CADPS2: variants seen among roughly 807,000 people sequenced by gnomAD.
CADPS2 encodes calcium-dependent secretion activator 2.
Under a neutral mutation model 172.5 loss-of-function variants are expected in CADPS2, and 93 were observed. That is an observed-to-expected ratio of 0.54 (90% CI 0.46 to 0.64). The LOEUF is 0.64. CADPS2 is among the 30% of genes least tolerant of loss of function. CADPS2 has a pLI of 0.00. For synonymous variants in CADPS2, 546 were observed against 555.2 expected (o/e 0.98, Z 0.23); for missense variants, 1,420 against 1,565.9 (o/e 0.91, Z 1.57).
At chr7:122,648,927 T>C (rs1384110205) in intron 3 of CADPS2, among the ~76,000 whole-genome samples, 1 of 152,106 alleles carries the variant, frequency 6.6e-6, no homozygotes, top group Non-Finnish European at 1.5e-5. Flanking sequence ...AGGGCTAATA[T>C]GTAGTTCCTG....
In CADPS2 at chr7:122,705,909, T is replaced by TA. The variant is rs1197288499; in HGVS notation, c.453+31045dup. Among the ~76,000 whole-genome samples, 12 of 5,744 alleles carry TA rather than the reference T, an allele frequency of 2.1e-3. 4 individuals are homozygous for TA. The highest frequency in any genetic ancestry group is 4.5e-3 in the African/African-American group (10 of 2,220). The allele number at this position is 5,744 out of a possible 152,430, so 3.8% of individuals were successfully genotyped here. ...AATAAATATAATATAATATATAATA[T>TA]ATTATATAATATAATATATAATATA... On this transcript the variant is annotated intron_variant, in intron 2 of 29. Transcript: ENST00000449022.
chr7:122,698,277 A>C, intron 2 of CADPS2: 3 of 1,614,088 alleles, frequency 1.9e-6, no homozygotes, highest in Non-Finnish European at 2.5e-6. Context: ...TCCTTGCTAA[A>C]CAAAGTCTAT....
At chr7:122,365,292 G>C (rs1333717050) in intron 25 of CADPS2, among the ~76,000 whole-genome samples, 1 of 152,160 alleles carries the variant, frequency 6.6e-6, no homozygotes, top group African/African-American at 2.4e-5. Flanking sequence ...CAATACAGCT[G>C]GGAATCTAAG....
intron 1 of CADPS2, among the ~76,000 whole-genome samples, chr7:122,859,825 T>C (rs1025865891): frequency 2.0e-5 from 3 of 152,138 alleles, no homozygotes; most frequent in East Asian, 3.9e-4. Context: ...TTTTGTTTAT[T>C]TGTAATTTTA....
At chr7:122,354,581 G>C (rs1240819511) in intron 27 of CADPS2, among the ~76,000 whole-genome samples, 2 of 151,754 alleles carry the variant, frequency 1.3e-5, no homozygotes, top group Non-Finnish European at 2.9e-5. Context: ...TTTTTTTTTG[G>C]GGGGGAGGGG....
intron 6 of CADPS2, among the ~76,000 whole-genome samples, chr7:122,588,159 GCTGT>G (rs1430792166): frequency 6.6e-6 from 1 of 152,008 alleles, no homozygotes; most frequent in Non-Finnish European, 1.5e-5. Context: ...CACTCTGTAG[GCTGT>G]CTGTTCACTC....
chr7:122,393,027 G>C (rs1365285569), intron 22 of CADPS2, among the ~76,000 whole-genome samples, 169 bp downstream of exon 22: 1 of 151,042 alleles, frequency 6.6e-6, no homozygotes, highest in African/African-American at 2.4e-5. Flanking sequence ...ATTCATCACA[G>C]ATATGCTAAG....
chr7:122,521,538 C>T (rs2060797773), intron 8 of CADPS2, among the ~76,000 whole-genome samples: 1 of 151,960 alleles, frequency 6.6e-6, no homozygotes, highest in Non-Finnish European at 1.5e-5. Flanking sequence ...CCAGACAACA[C>T]TGGGACCTGG....
rs145013533 is a variant in CADPS2, at chr7:122,440,822, C to T, written c.2352+690G>A. 6.6e-5 allele frequency among the ~76,000 whole-genome samples: 10 copies of T among 152,216 alleles called. No individual in the cohort carries two copies. The East Asian group carries it at 1.9e-3, about 29-fold the overall frequency. ...TCTGGTAAGAAATGGGAGTTGGCCA[C>T]ATTATTTAACTGTTAGCATCTAACA... On this transcript the variant is annotated intron_variant, in intron 16 of 29. Transcript: ENST00000449022.
At chr7:122,844,438 C>T (rs982763644) in intron 1 of CADPS2, among the ~76,000 whole-genome samples, 1 of 152,098 alleles carries the variant, frequency 6.6e-6, no homozygotes, top group Non-Finnish European at 1.5e-5. Context: ...ATCACCTAAA[C>T]GACATATCTT....
At chr7:122,786,262 T>C (rs939580322) in intron 1 of CADPS2, among the ~76,000 whole-genome samples, 1 of 152,188 alleles carries the variant, frequency 6.6e-6, no homozygotes, top group African/African-American at 2.4e-5. Context: ...TGAAGAATGG[T>C]TGTTCTCCTC....
chr7:122,617,351 T>C lies in CADPS2; in HGVS notation c.1105-2052A>G, dbSNP rs112632743. Among the ~76,000 whole-genome samples, 507 of 152,270 alleles carry C rather than the reference T, an allele frequency of 3.3e-3. 4 individuals are homozygous for C. Among genetic ancestry groups the C allele is most frequent in the African/African-American group, 0.012 (487 of 41,570 alleles). On this transcript the variant is annotated intron_variant, in intron 5 of 29. Coordinates refer to ENST00000449022, the MANE Select transcript of CADPS2 (RefSeq NM_017954.11). Reference sequence around the variant, plus strand: ...AAAGGAAAATAAAACATAGGTGGCCTTAATAATTAGTGATAAAGACAGCCA... The same window carrying C: ...AAAGGAAAATAAAACATAGGTGGCCCTAATAATTAGTGATAAAGACAGCCA...
At chr7:122,498,489 G>A (rs1001008906) in intron 9 of CADPS2, among the ~76,000 whole-genome samples, 1 of 151,856 alleles carries the variant, frequency 6.6e-6, no homozygotes, top group African/African-American at 2.4e-5. Flanking sequence ...TAATCTTGAA[G>A]CTTTCTTTCC....
chr7:122,855,935 C>T (rs1405848881), intron 1 of CADPS2, among the ~76,000 whole-genome samples: 1 of 152,164 alleles, frequency 6.6e-6, no homozygotes, highest in Non-Finnish European at 1.5e-5. Flanking sequence ...CCCCAGTCTT[C>T]CTACAGCTAC....
In CADPS2 at chr7:122,885,855, T is replaced by C. The variant is rs1168364006; in HGVS notation, c.339+144A>G. On this transcript the variant is annotated intron_variant, in intron 1 of 29. Transcript: ENST00000449022. The stretch of plus-strand genomic sequence containing the variant: ...CCCGGCGGGTGAAAGCACCGTCTTG[T>C]CCCCAAAGATTCCTCTGCCCTCAGA... The C allele has an allele frequency of 1.7e-5, 17 of 1,010,350 alleles. No homozygotes were observed. In the South Asian group the frequency reaches 2.2e-4, roughly 13 times the overall value. The allele number at this position is 1,010,350 out of a possible 1,614,324, so 62.6% of individuals were successfully genotyped here. A position where few individuals can be genotyped will look rare whatever the true frequency, so the allele number is the denominator to read the frequency against.
chr7:122,722,354 C>T (rs973719643), intron 2 of CADPS2, among the ~76,000 whole-genome samples: 3 of 151,906 alleles, frequency 2.0e-5, no homozygotes, highest in African/African-American at 7.3e-5. Flanking sequence ...TCTCAGGATA[C>T]AAAATCAATG....
At chr7:122,707,947 T>C (rs2087868371) in intron 2 of CADPS2, among the ~76,000 whole-genome samples, 1 of 151,742 alleles carries the variant, frequency 6.6e-6, no homozygotes, top group African/African-American at 2.4e-5. Context: ...CTTATTTCTA[T>C]ATATATATTT....
chr7:122,433,433 TG>T (rs2050228393), intron 17 of CADPS2, among the ~76,000 whole-genome samples: 1 of 151,646 alleles, frequency 6.6e-6, no homozygotes, highest in African/African-American at 2.4e-5. Flanking sequence ...GATGGAGTTT[TG>T]CTCTTGTTGC....
intron 8 of CADPS2, among the ~76,000 whole-genome samples, chr7:122,540,935 T>A (rs1011211391): frequency 2.0e-5 from 3 of 152,122 alleles, no homozygotes; most frequent in African/African-American, 7.2e-5. Context: ...TTTTAACCCA[T>A]TTATTCATAA....
Sources: gnomAD v4.1 joint callset for allele counts (sites outside exome capture counted in the v4.1 genomes callset) on GRCh38, gnomAD v4.1.1 for gene constraint, MANE v1.5 for transcripts, NCBI Gene and HGNC (gene_info 2026-07-23, HGNC 2026-07-21) for gene names.